Variants in GPBP1L1 observed in about 807,000 individuals in gnomAD.
GPBP1L1 encodes vasculin-like protein 1.
GPBP1L1 carries 23 observed loss-of-function variants against 52.5 expected under a neutral mutation model. The ratio of observed to expected loss-of-function variants is 0.44; its 90% CI spans 0.32 to 0.62. The LOEUF is 0.62. Among genes scored for constraint, GPBP1L1 ranks in the 20% least tolerant of loss-of-function variants. The pLI is 0.06. For missense variants in GPBP1L1, 596 were observed against 579.3 expected (o/e 1.03, Z -0.30); for synonymous variants, 243 against 203.1 (o/e 1.20, Z -1.67).
intron 2 of GPBP1L1, among the ~76,000 whole-genome samples, chr1:45,680,707 T>C (rs1370288631): frequency 3.3e-5 from 5 of 152,186 alleles, no homozygotes; most frequent in Admixed American, 3.3e-4. Flanking sequence ...ATAAGTTATT[T>C]CACCCCTTTT....
chr1:45,639,725 A>C (rs908905331), intron 8 of GPBP1L1, among the ~76,000 whole-genome samples: 17 of 152,122 alleles, frequency 1.1e-4, no homozygotes, highest in African/African-American at 4.1e-4. Flanking sequence ...AAAATACAAA[A>C]AAACACCGAG....
intron 11 of GPBP1L1, among the ~76,000 whole-genome samples, 192 bp downstream of exon 11, chr1:45,630,290 G>A (rs78963973): frequency 0.027 from 4,165 of 152,280 alleles, 197 homozygotes; most frequent in African/African-American, 0.095. Flanking sequence ...GTAGATTGTG[G>A]AAAAGATGGC....
In GPBP1L1 at chr1:45,628,159, T is replaced by G; in HGVS notation, c.*97A>C. On this transcript the variant is annotated 3_prime_UTR_variant, in exon 13 of 13. Coordinates refer to ENST00000355105, the MANE Select transcript of GPBP1L1 (RefSeq NM_021639.5). The stretch of plus-strand genomic sequence containing the variant: ...ATTATTTCCCTTGTGAATGAAGTAT[T>G]CAACAACATAAGAAAAGGAAAAGAA... The G allele has an allele frequency of 8.6e-7, 1 of 1,157,788 alleles. No homozygotes were observed. The highest frequency in any genetic ancestry group is 2.4e-5 in the East Asian group (1 of 42,424). 71.7% of individuals were successfully genotyped at this position (1,157,788 alleles called of 1,614,324 possible). A position where few individuals can be genotyped will look rare whatever the true frequency, so the allele number is the denominator to read the frequency against.
At chr1:45,630,712 G>A in intron 10 of GPBP1L1, 106 bp from the exon 11 acceptor site, 6 of 1,271,582 alleles carry the variant, frequency 4.7e-6, no homozygotes, top group Non-Finnish European at 6.5e-6. Flanking sequence ...TTTTCCAAAA[G>A]ACAGCCTCAG....
At chr1:45,629,806 C>T in intron 11 of GPBP1L1, 128 bp from the exon 12 acceptor site, 1 of 653,130 alleles carries the variant, frequency 1.5e-6, no homozygotes, top group Non-Finnish European at 2.7e-6. Context: ...TTTTGTTTTC[C>T]TCCCTGTGGG....
chr1:45,676,568 G>A (rs1278732684), intron 2 of GPBP1L1, among the ~76,000 whole-genome samples: 1 of 151,808 alleles, frequency 6.6e-6, no homozygotes, highest in Non-Finnish European at 1.5e-5. Context: ...AAATTAGCCG[G>A]GCTTGGTGGC....
chr1:45,654,428 C>T, intron 6 of GPBP1L1, 115 bp downstream of exon 6: 2 of 1,073,026 alleles, frequency 1.9e-6, no homozygotes, highest in East Asian at 4.9e-5. Context: ...ATAAAAACCT[C>T]AACTTACAAA....
chr1:45,670,942 G>A lies in GPBP1L1; in HGVS notation c.-1097-9717C>T, dbSNP rs547533953. ...CGAGTAGCTGGGACTACAGGCGCCC[G>A]CCACCACACCCAGCTAATTTTTTGT... On this transcript the variant is annotated intron_variant, in intron 2 of 12. Coordinates refer to ENST00000355105, the MANE Select transcript of GPBP1L1 (RefSeq NM_021639.5). Among the ~76,000 whole-genome samples, 9 of 151,422 alleles carry A rather than the reference G, an allele frequency of 5.9e-5. No individual in the cohort carries two copies. The South Asian group carries it at 6.3e-4, about 11-fold the overall frequency.
chr1:45,650,862 T>C (rs1644810868), intron 6 of GPBP1L1, among the ~76,000 whole-genome samples: 1 of 152,204 alleles, frequency 6.6e-6, no homozygotes, highest in Non-Finnish European at 1.5e-5. Context: ...TCTCTAGACC[T>C]AACCCATCTC....
At position 45,683,971 on chromosome 1, in the gene GPBP1L1, A is replaced by C. The variant is rs531929854; in HGVS notation, c.-1098+1605T>G. Among the ~76,000 whole-genome samples the C allele has an allele frequency of 6.6e-5, 10 of 151,706 alleles. No homozygotes were observed. The South Asian group carries it at 2.1e-3, about 32-fold the overall frequency. On this transcript the variant is annotated intron_variant, in intron 2 of 12. Transcript: ENST00000355105. ...CAGTATACTTATAAAAGTAAACAAC[A>C]AGCCGGGCGGGGGCGGTGGCTCATG...
chr1:45,635,637 A>C (rs1644584284), intron 8 of GPBP1L1: 1 of 152,212 alleles, frequency 6.6e-6, no homozygotes, highest in Non-Finnish European at 1.5e-5. Flanking sequence ...ACCTGTTTTT[A>C]TTAGATGATT....
chr1:45,633,655 A>C lies in GPBP1L1; in HGVS notation c.886-8T>G, dbSNP rs1644559203. 1 of 1,613,004 alleles carries C rather than the reference A, an allele frequency of 6.2e-7. No homozygotes were observed. The highest frequency in any genetic ancestry group is 8.5e-7 in the Non-Finnish European group (1 of 1,179,708). ...GGTGGTGCTGGAGGGACTCTGGGCA[A>C]ATACCACAAACAGGTTGCTCCTGAC... is the stretch of plus-strand genomic sequence containing the variant. On this transcript the variant is annotated splice_region_variant and splice_polypyrimidine_tract_variant and intron_variant, in intron 9 of 12. Transcript: ENST00000355105.
chr1:45,649,759 C>T (rs999753781), intron 6 of GPBP1L1, among the ~76,000 whole-genome samples: 1 of 152,112 alleles, frequency 6.6e-6, no homozygotes, highest in African/African-American at 2.4e-5. Flanking sequence ...TAATACCTCC[C>T]TAACTTCTTT....
At chr1:45,628,439 GA>G in intron 12 of GPBP1L1, 31 bp from the exon 13 acceptor site, 4 of 1,601,732 alleles carry the variant, frequency 2.5e-6, no homozygotes, top group Non-Finnish European at 3.4e-6. Context: ...AAAGAAAAAA[GA>G]AAAAAATATC....
chr1:45,674,788 G>C (rs1257339342), intron 2 of GPBP1L1, among the ~76,000 whole-genome samples: 1 of 152,196 alleles, frequency 6.6e-6, no homozygotes, highest in Non-Finnish European at 1.5e-5. Context: ...AACGTGTAAG[G>C]TAGGCTAGGC....
At chr1:45,634,368 T>A in intron 8 of GPBP1L1, 132 bp from the exon 9 acceptor site, 2 of 880,692 alleles carry the variant, frequency 2.3e-6, no homozygotes, top group Middle Eastern at 3.7e-4. Flanking sequence ...CTTAACATGT[T>A]TGGGAAGTAT....
chr1:45,680,344 T>C (rs1645197765), intron 2 of GPBP1L1, among the ~76,000 whole-genome samples: 1 of 151,332 alleles, frequency 6.6e-6, no homozygotes, highest in African/African-American at 2.4e-5. Flanking sequence ...GTTCCAGTGA[T>C]TCTAGTGCCT....
intron 3 of GPBP1L1, 145 bp downstream of exon 3, chr1:45,660,039 A>G (rs1181421366): frequency 4.2e-6 from 1 of 240,112 alleles, no homozygotes; most frequent in Admixed American, 6.5e-5. Flanking sequence ...ACCAACTAGC[A>G]TCAGTTTTCC....
intron 6 of GPBP1L1, among the ~76,000 whole-genome samples, chr1:45,648,192 G>A (rs1209977416): frequency 6.6e-6 from 1 of 152,060 alleles, no homozygotes; most frequent in Non-Finnish European, 1.5e-5. Context: ...GCCCTGCCTC[G>A]ACCTCCCAAA....
Sources: gnomAD v4.1 joint callset for allele counts (sites outside exome capture counted in the v4.1 genomes callset) on GRCh38, gnomAD v4.1.1 for gene constraint, MANE v1.5 for transcripts, NCBI Gene and HGNC (gene_info 2026-07-23, HGNC 2026-07-21) for gene names.